Variants in OR1J2 observed in about 807,000 individuals in gnomAD.
The protein encoded by OR1J2 is olfactory receptor 1J2.
For missense variants in OR1J2, 304 were observed against 246.1 expected, an observed-to-expected ratio of 1.24 and a Z score of -1.57; for synonymous variants, 142 against 99.7, an observed-to-expected ratio of 1.42 and a Z score of -2.52.
At chr9:122,563,808 T>G in the OR1J2 span, among the ~76,000 whole-genome samples, 1 of 152,230 alleles carries the variant, frequency 6.6e-6, no homozygotes, top group African/African-American at 2.4e-5. Context: ...GAGATAGAGA[T>G]CTAGTTATTC....
the OR1J2 span, chr9:122,447,546 G>C: frequency 6.6e-6 from 1 of 152,048 alleles, no homozygotes; most frequent in South Asian, 2.1e-4. Context: ...AAGTATCTCT[G>C]TACGTATCAA....
downstream of OR1J2, among the ~76,000 whole-genome samples, chr9:122,516,300 CT>C (rs1278693220): frequency 1.0e-3 from 106 of 104,144 alleles, no homozygotes; most frequent in East Asian, 2.0e-3. Flanking sequence ...CATACATGGT[CT>C]TTTTTTTTTT....
chr9:122,455,011 G>A, the OR1J2 span, among the ~76,000 whole-genome samples: 1 of 152,138 alleles, frequency 6.6e-6, no homozygotes, highest in Non-Finnish European at 1.5e-5. Flanking sequence ...TTTACATAAT[G>A]TTTTCAAGGT....
chr9:122,543,771 TTAAA>T, the OR1J2 span, among the ~76,000 whole-genome samples: 1 of 152,160 alleles, frequency 6.6e-6, no homozygotes, highest in South Asian at 2.1e-4. Flanking sequence ...AGAGATCTGA[TTAAA>T]CAAGAGAACA....
the OR1J2 span, among the ~76,000 whole-genome samples, chr9:122,487,591 C>T: frequency 2.6e-5 from 4 of 152,250 alleles, no homozygotes; most frequent in African/African-American, 9.6e-5. Flanking sequence ...CATTTTCTCT[C>T]CAAAAGTCTT....
the OR1J2 span, among the ~76,000 whole-genome samples, chr9:122,535,923 C>T: frequency 0.026 from 4,021 of 152,010 alleles, 189 homozygotes; most frequent in African/African-American, 0.092. Context: ...TGTTCTCTGG[C>T]GGGCAGGAGT....
chr9:122,481,192 A>G, the OR1J2 span, among the ~76,000 whole-genome samples: 2 of 152,276 alleles, frequency 1.3e-5, no homozygotes, highest in East Asian at 1.9e-4. Context: ...AACATGCAGT[A>G]TTTGGTTTTC....
the OR1J2 span, among the ~76,000 whole-genome samples, chr9:122,472,264 G>C: frequency 6.6e-6 from 1 of 152,180 alleles, no homozygotes; most frequent in African/African-American, 2.4e-5. Flanking sequence ...TTTTAGAAAA[G>C]ATAATTCATA....
the OR1J2 span, chr9:122,520,048 G>A: frequency 1.2e-6 from 2 of 1,613,718 alleles, no homozygotes; most frequent in Non-Finnish European, 1.7e-6. Flanking sequence ...GCCCTGGAGA[G>A]ACTCTTCAAC....
the OR1J2 span, among the ~76,000 whole-genome samples, chr9:122,547,607 T>A: frequency 1.3e-5 from 2 of 149,428 alleles, no homozygotes. Flanking sequence ...TTTTTATGGC[T>A]GAGTAGTAGT....
chr9:122,449,017 A>G, the OR1J2 span: 1 of 152,144 alleles, frequency 6.6e-6, no homozygotes, highest in East Asian at 1.9e-4. Flanking sequence ...TAAAAAAAAA[A>G]AGTAGGGTAA....
chr9:122,523,349 G>A, the OR1J2 span, among the ~76,000 whole-genome samples: 1 of 152,188 alleles, frequency 6.6e-6, no homozygotes, highest in East Asian at 1.9e-4. Flanking sequence ...AGATTGTCCT[G>A]TTAAGAGGTT....
At chr9:122,528,920 A>T in the OR1J2 span, among the ~76,000 whole-genome samples, 88,379 of 152,142 alleles carry the variant, frequency 0.58, 27,609 homozygotes, top group East Asian at 0.87. Context: ...TTTCATTTTT[A>T]GAATTCTTTG....
the OR1J2 span, among the ~76,000 whole-genome samples, chr9:122,544,427 T>C: frequency 1.4e-5 from 2 of 145,228 alleles, no homozygotes; most frequent in African/African-American, 2.5e-5. Flanking sequence ...TTTTTTTTTT[T>C]TTTTTTTTTT....
the OR1J2 span, among the ~76,000 whole-genome samples, chr9:122,577,408 A>C: frequency 4.5e-4 from 69 of 152,324 alleles, no homozygotes; most frequent in African/African-American, 1.6e-3. Context: ...ACATACAAAA[A>C]TCGTTGGGAT....
chr9:122,568,006 G>C, the OR1J2 span: 2 of 1,614,086 alleles, frequency 1.2e-6, no homozygotes, highest in Non-Finnish European at 1.7e-6. Context: ...GTGTGCAGGA[G>C]TGAGTGGAGG....
chr9:122,487,913 A>G, the OR1J2 span, among the ~76,000 whole-genome samples: 2 of 152,224 alleles, frequency 1.3e-5, no homozygotes, highest in Admixed American at 1.3e-4. Flanking sequence ...TCACATCTAT[A>G]AGATTTTTTA....
At chr9:122,525,453 T>G in the OR1J2 span, among the ~76,000 whole-genome samples, 1 of 152,196 alleles carries the variant, frequency 6.6e-6, no homozygotes, top group East Asian at 1.9e-4. Context: ...ATATAGCCCT[T>G]ATATTTAAAA....
upstream of OR1J2, among the ~76,000 whole-genome samples, chr9:122,510,054 T>C (rs1828603342): frequency 6.6e-6 from 1 of 152,100 alleles, no homozygotes; most frequent in Admixed American, 6.5e-5. Flanking sequence ...GCTTAATACC[T>C]AGGTGATGGG....
Sources: allele counts gnomAD v4.1 joint callset (sites outside exome capture counted in the v4.1 genomes callset), GRCh38; gene constraint gnomAD v4.1.1; transcripts MANE v1.5; gene names NCBI Gene and HGNC (gene_info 2026-07-23, HGNC 2026-07-21).